The following UBL3 variants were observed in gnomAD, a reference collection of about 807,000 sequenced individuals.
UBL3 encodes ubiquitin like 3.
UBL3 carries 6 observed loss-of-function variants against 18.4 expected under a neutral mutation model. The ratio of observed to expected loss-of-function variants is 0.33; its 90% CI spans 0.18 to 0.64. The LOEUF (loss-of-function observed/expected upper bound fraction) is 0.64, where lower values mean the gene tolerates loss of function less well. UBL3 is among the 30% of genes least tolerant of loss of function. The probability of loss-of-function intolerance (pLI) is 0.76; values close to 1 mark genes in which losing one functional copy is unlikely to be tolerated. For synonymous variants in UBL3, 49 were observed against 46.6 expected (o/e 1.05, Z -0.21); for missense variants, 109 against 142.9 (o/e 0.76, Z 1.21).
At chr13:29,840,533 G>A (rs1879070674) in intron 1 of UBL3, among the ~76,000 whole-genome samples, 1 of 131,070 alleles carries the variant, frequency 7.6e-6, no homozygotes, top group Non-Finnish European at 1.6e-5. Context: ...AATTAAAATT[G>A]CTAGCCAATT....
intron 1 of UBL3, among the ~76,000 whole-genome samples, chr13:29,846,615 A>G (rs1182346569): frequency 6.6e-6 from 1 of 152,206 alleles, no homozygotes; most frequent in African/African-American, 2.4e-5. Flanking sequence ...AGACTTTACC[A>G]AAAACATCAA....
intron 1 of UBL3, among the ~76,000 whole-genome samples, chr13:29,810,369 C>T (rs149024771): frequency 1.3e-5 from 2 of 151,980 alleles, no homozygotes; most frequent in Non-Finnish European, 2.9e-5. Context: ...GAAGAGAGCA[C>T]AGACTGAGCT....
chr13:29,773,612 C>G (rs1876903884), intron 2 of UBL3, among the ~76,000 whole-genome samples: 1 of 151,930 alleles, frequency 6.6e-6, no homozygotes, highest in Non-Finnish European at 1.5e-5. Flanking sequence ...AAACCTGAAG[C>G]CCCATGTTTC....
chr13:29,773,698 G>T (rs2892463), intron 2 of UBL3, among the ~76,000 whole-genome samples: 84,093 of 151,752 alleles, frequency 0.55, 23,546 homozygotes, highest in Non-Finnish European at 0.6. Flanking sequence ...CCTCTCCAGG[G>T]ATCTAAAATT....
chr13:29,815,115 C>G (rs719199), intron 1 of UBL3, among the ~76,000 whole-genome samples: 17,203 of 152,078 alleles, frequency 0.11, 1,290 homozygotes, highest in African/African-American at 0.21. Context: ...CCTAACTCTG[C>G]GCAAAACACA....
chr13:29,786,544 ATT>A (rs1376110918), intron 1 of UBL3, among the ~76,000 whole-genome samples: 1 of 152,196 alleles, frequency 6.6e-6, no homozygotes, highest in East Asian at 1.9e-4. Context: ...TCAAGAAAGG[ATT>A]TCTCTCCCCC....
intron 1 of UBL3, among the ~76,000 whole-genome samples, chr13:29,817,281 G>A (rs1019510553): frequency 2.6e-5 from 4 of 152,156 alleles, no homozygotes; most frequent in Admixed American, 6.5e-5. Flanking sequence ...TGCAACACGC[G>A]TAAGATGAAA....
intron 1 of UBL3, among the ~76,000 whole-genome samples, chr13:29,812,447 T>C (rs1878115459): frequency 6.6e-6 from 1 of 152,024 alleles, no homozygotes; most frequent in African/African-American, 2.4e-5. Flanking sequence ...CCAAAATACA[T>C]ACTCCAAGGC....
intron 1 of UBL3, among the ~76,000 whole-genome samples, chr13:29,822,027 A>G (rs894492497): frequency 5.9e-5 from 9 of 152,236 alleles, no homozygotes; most frequent in African/African-American, 1.9e-4. Context: ...TAATTCTGAT[A>G]TAATTAACAA....
Position 29,765,008 on chromosome 13 carries a change from A to C in UBL3, c.*2247T>G. 6.6e-6 allele frequency: 1 copy of C among 152,122 alleles called. No individual in the cohort carries two copies. Among genetic ancestry groups the C allele is most frequent in the East Asian group, 1.9e-4 (1 of 5,202 alleles). 9.4% of individuals were successfully genotyped at this position (152,122 alleles called of 1,614,324 possible). A position where few individuals can be genotyped will look rare whatever the true frequency, so the allele number is the denominator to read the frequency against. ...TTATTCTTTTTTTTCATATTGTACA[A>C]CTATGATATTAGGTATTAAGCGACG... On this transcript the variant is annotated 3_prime_UTR_variant, in exon 5 of 5. Coordinates refer to ENST00000380680, the MANE Select transcript of UBL3 (RefSeq NM_007106.4).
At chr13:29,796,363 C>T (rs1018019380) in intron 1 of UBL3, among the ~76,000 whole-genome samples, 17 of 152,088 alleles carry the variant, frequency 1.1e-4, no homozygotes, top group African/African-American at 3.6e-4. Flanking sequence ...GTATCACTTA[C>T]CACTGGCTTT....
At chr13:29,803,185 AG>A (rs1165592769) in intron 1 of UBL3, among the ~76,000 whole-genome samples, 1 of 152,224 alleles carries the variant, frequency 6.6e-6, no homozygotes, top group Non-Finnish European at 1.5e-5. Flanking sequence ...GAAATAAATA[AG>A]ATCCTTTTTA....
At position 29,829,493 on chromosome 13, in the gene UBL3, G is replaced by A. The variant is rs149722599; in HGVS notation, c.27+20019C>T. Among the ~76,000 whole-genome samples the A allele has an allele frequency of 8.9e-4, 136 of 152,058 alleles. 2 individuals are homozygous for A. In the East Asian group the frequency reaches 0.02, roughly 23 times the overall value. The stretch of plus-strand genomic sequence containing the variant: ...GGGCGTGGGACCCTCCAAGCCAGGC[G>A]CGGGATATAATCTTCTGGTGTTCCG... On this transcript the variant is annotated intron_variant, in intron 1 of 4. Transcript: ENST00000380680.
chr13:29,805,934 T>C (rs1230517713), intron 1 of UBL3, among the ~76,000 whole-genome samples: 2 of 152,116 alleles, frequency 1.3e-5, no homozygotes, highest in Non-Finnish European at 2.9e-5. Flanking sequence ...CCCAGCACTT[T>C]GGAGGCCAAG....
intron 1 of UBL3, among the ~76,000 whole-genome samples, chr13:29,832,489 C>T (rs955514504): frequency 3.9e-5 from 6 of 152,092 alleles, no homozygotes; most frequent in African/African-American, 1.4e-4. Flanking sequence ...CCCACCACCG[C>T]GCCCGGCTAA....
intron 1 of UBL3, among the ~76,000 whole-genome samples, chr13:29,801,544 C>G (rs117240659): frequency 0.012 from 1,861 of 152,272 alleles, 17 homozygotes; most frequent in Non-Finnish European, 0.018. Context: ...TGCAGTCTCC[C>G]CAATCCTTGG....
At chr13:29,771,295 T>A (rs1876834542) in intron 3 of UBL3, among the ~76,000 whole-genome samples, 1 of 152,062 alleles carries the variant, frequency 6.6e-6, no homozygotes. Context: ...ATTATCTGAA[T>A]ATATTTGAAA....
chr13:29,835,083 AATATAAATATAT>A lies in UBL3; in HGVS notation c.27+14417_27+14428del, dbSNP rs1878884026. Among the ~76,000 whole-genome samples the A allele has an allele frequency of 2.3e-4, 20 of 86,288 alleles. 2 individuals are homozygous for A. Among genetic ancestry groups the A allele is most frequent in the African/African-American group, 1.1e-3 (19 of 17,722 alleles). The allele number at this position is 86,288 out of a possible 152,430, so 56.6% of individuals were successfully genotyped here. ...GTCATGGCAGCAAATAAAATATATA[AATATAAATATAT>A]ATATATATATAAATATATATATATA... On this transcript the variant is annotated intron_variant, in intron 1 of 4. Coordinates refer to ENST00000380680, the MANE Select transcript of UBL3 (RefSeq NM_007106.4).
chr13:29,849,939 C>A lies in UBL3; in HGVS notation c.-401G>T, dbSNP rs769945290. The A allele has an allele frequency of 3.0e-6, 1 of 330,782 alleles. No homozygotes were observed. Among genetic ancestry groups the A allele is most frequent in the Non-Finnish European group, 5.8e-6 (1 of 172,562 alleles). The allele number at this position is 330,782 out of a possible 1,614,324, so 20.5% of individuals were successfully genotyped here. A position where few individuals can be genotyped will look rare whatever the true frequency, so the allele number is the denominator to read the frequency against. On this transcript the variant is annotated 5_prime_UTR_variant, in exon 1 of 5. Coordinates refer to ENST00000380680, the MANE Select transcript of UBL3 (RefSeq NM_007106.4). ...CCCGGCAATGATTCACACTTGCTCCCGAGTCAAGTCCTCATTAAGCAGGAG... is the reference window on the plus strand; with the variant it reads ...CCCGGCAATGATTCACACTTGCTCCAGAGTCAAGTCCTCATTAAGCAGGAG...
Sources: gnomAD v4.1 joint callset for allele counts (sites outside exome capture counted in the v4.1 genomes callset) on GRCh38, gnomAD v4.1.1 for gene constraint, MANE v1.5 for transcripts, NCBI Gene and HGNC (gene_info 2026-07-23, HGNC 2026-07-21) for gene names.